The following KANSL1L variants were observed in gnomAD, a reference collection of about 807,000 sequenced individuals.
The protein encoded by KANSL1L is KAT8 regulatory NSL complex subunit 1 like.
Under a neutral mutation model 108.6 loss-of-function variants are expected in KANSL1L, and 25 were observed. That is an observed-to-expected ratio of 0.23 (90% confidence interval 0.17 to 0.32). The LOEUF (loss-of-function observed/expected upper bound fraction) is 0.32, where lower values mean the gene tolerates loss of function less well. Among genes scored for constraint, KANSL1L ranks in the 10% least tolerant of loss-of-function variants. The pLI is 1.00. For synonymous variants in KANSL1L, 405 were observed against 395.1 expected, an observed-to-expected ratio of 1.03 and a Z score of -0.30; for missense variants, 1,137 against 1,125.7, an observed-to-expected ratio of 1.01 and a Z score of -0.14.
At position 210,153,826 on chromosome 2, in the gene KANSL1L, C is replaced by T; in HGVS notation, c.757G>A (p.Val253Ile). Residue 253 changes from valine (V) to isoleucine (I), a missense_variant, in exon 2 of 15, where the codon GTT (valine) becomes ATT (isoleucine). Transcript: ENST00000281772. The stretch of plus-strand genomic sequence containing the variant: ...ATCTGCTGACCATAGTGCTTAACAA[C>T]ATGCTTTGCCAGGAGCATCTGCAAA... ...KHLQMLLAKH[V>I]VKHYGQQMKL... is the part of the protein sequence containing the mutation. The T allele has an allele frequency of 3.1e-6, 5 of 1,612,842 alleles. No individual in the cohort carries two copies. The highest frequency in any genetic ancestry group is 1.7e-4 in the Middle Eastern group (1 of 6,048).
In KANSL1L at chr2:210,120,994, T is replaced by C. The variant is rs187756500; in HGVS notation, c.1230+8037A>G. 1.2e-4 allele frequency among the ~76,000 whole-genome samples: 18 copies of C among 152,036 alleles called. No individual in the cohort carries two copies. The East Asian group carries it at 2.1e-3, about 18-fold the overall frequency. Reference sequence around the variant, plus strand: ...TGGCTACTATTAAAAAGTCAAAAAATAACAGATGTTGGCAAGGTTGTGGAG... The same window carrying C: ...TGGCTACTATTAAAAAGTCAAAAAACAACAGATGTTGGCAAGGTTGTGGAG... On this transcript the variant is annotated intron_variant, in intron 3 of 14. Coordinates refer to ENST00000281772, the MANE Select transcript of KANSL1L (RefSeq NM_152519.4).
intron 7 of KANSL1L, 114 bp downstream of exon 7, chr2:210,043,825 A>T: frequency 1.5e-6 from 1 of 678,936 alleles, no homozygotes; most frequent in Non-Finnish European, 2.3e-6. Flanking sequence ...CTTAGTTCTA[A>T]TATCTACTGA....
At chr2:210,126,882 A>G (rs1179334477) in intron 3 of KANSL1L, among the ~76,000 whole-genome samples, 1 of 152,160 alleles carries the variant, frequency 6.6e-6, no homozygotes, top group East Asian at 1.9e-4. Flanking sequence ...AATTATTACA[A>G]AACTACAGAA....
intron 6 of KANSL1L, among the ~76,000 whole-genome samples, chr2:210,057,989 T>A (rs959938476): frequency 5.3e-5 from 8 of 152,066 alleles, no homozygotes; most frequent in Non-Finnish European, 8.8e-5. Context: ...CTGGGTACCT[T>A]GAAAAAAGAA....
chr2:210,079,676 A>ATGTGTG (rs2094573188), intron 5 of KANSL1L: 1 of 20,684 alleles, frequency 4.8e-5, no homozygotes, highest in Non-Finnish European at 7.7e-5. Flanking sequence ...GTATGTGTGT[A>ATGTGTG]TATATATATA....
At chr2:210,119,087 G>A (rs935105548) in intron 3 of KANSL1L, among the ~76,000 whole-genome samples, 12 of 152,028 alleles carry the variant, frequency 7.9e-5, no homozygotes, top group African/African-American at 2.9e-4. Flanking sequence ...AGGAGGCTGA[G>A]GCAGGAGAAT....
At chr2:210,159,481 T>C (rs1410761093) in intron 1 of KANSL1L, among the ~76,000 whole-genome samples, 4 of 152,188 alleles carry the variant, frequency 2.6e-5, no homozygotes, top group Admixed American at 1.3e-4. Flanking sequence ...TTATATTACA[T>C]TCTAGGAAAG....
At position 210,022,390 on chromosome 2, in the gene KANSL1L, T is replaced by G. The variant is rs1249830816; in HGVS notation, c.*559A>C. The G allele has an allele frequency of 1.3e-5, 2 of 152,766 alleles. No individual in the cohort carries two copies. The highest frequency in any genetic ancestry group is 2.9e-5 in the Non-Finnish European group (2 of 68,152). 9.5% of individuals were successfully genotyped at this position (152,766 alleles called of 1,614,324 possible). A position where few individuals can be genotyped will look rare whatever the true frequency, so the allele number is the denominator to read the frequency against. ...TATTAGTGGAAACCTGTGTTTTATC[T>G]ATTCTGCAGCTTACATTTCATAGGG... On this transcript the variant is annotated 3_prime_UTR_variant, in exon 15 of 15. Coordinates refer to ENST00000281772, the MANE Select transcript of KANSL1L (RefSeq NM_152519.4).
chr2:210,138,495 AATG>A (rs1440145010), intron 2 of KANSL1L, among the ~76,000 whole-genome samples: 3 of 152,320 alleles, frequency 2.0e-5, no homozygotes, highest in Admixed American at 6.5e-5. Flanking sequence ...AAAAAAAGTT[AATG>A]ATATCAATTC....
intron 2 of KANSL1L, among the ~76,000 whole-genome samples, chr2:210,136,598 T>G (rs559454020): frequency 1.1e-4 from 16 of 152,258 alleles, no homozygotes; most frequent in African/African-American, 3.9e-4. Context: ...CAGGCAACCA[T>G]GTAATGTTTT....
At chr2:210,093,950 T>C (rs2094714043) in intron 5 of KANSL1L, among the ~76,000 whole-genome samples, 1 of 152,172 alleles carries the variant, frequency 6.6e-6, no homozygotes, top group African/African-American at 2.4e-5. Context: ...CTAAGTACAA[T>C]AAGTTTGTCA....
intron 3 of KANSL1L, among the ~76,000 whole-genome samples, chr2:210,113,769 C>A (rs183801657): frequency 7.2e-5 from 11 of 152,134 alleles, no homozygotes; most frequent in African/African-American, 2.2e-4. Flanking sequence ...AATTCTAGAG[C>A]TGAAAAGTAT....
chr2:210,037,809 C>A (rs1439035491), intron 8 of KANSL1L, among the ~76,000 whole-genome samples: 4 of 152,064 alleles, frequency 2.6e-5, no homozygotes, highest in African/African-American at 9.7e-5. Context: ...TGCATTATTA[C>A]AAGTAGCAAA....
chr2:210,058,889 G>C (rs1276230320), intron 6 of KANSL1L, among the ~76,000 whole-genome samples: 1 of 145,218 alleles, frequency 6.9e-6, no homozygotes. Flanking sequence ...GGGCATCACG[G>C]AACCTGCCAA....
chr2:210,166,013 T>C (rs1270172609), intron 1 of KANSL1L, among the ~76,000 whole-genome samples: 1 of 152,188 alleles, frequency 6.6e-6, no homozygotes, highest in Non-Finnish European at 1.5e-5. Context: ...TATGTATGTA[T>C]GGTTAGAAAA....
intron 2 of KANSL1L, among the ~76,000 whole-genome samples, chr2:210,151,142 G>A (rs1225110041): frequency 1.3e-5 from 2 of 151,850 alleles, no homozygotes; most frequent in Non-Finnish European, 2.9e-5. Context: ...TAGCCTCCCA[G>A]GTAGCTGGGA....
At chr2:210,076,185 G>GT (rs2094541041) in intron 5 of KANSL1L, among the ~76,000 whole-genome samples, 1 of 151,672 alleles carries the variant, frequency 6.6e-6, no homozygotes, top group East Asian at 1.9e-4. Context: ...TTTGTTTTTT[G>GT]TTTTTTGTTT....
intron 3 of KANSL1L, among the ~76,000 whole-genome samples, chr2:210,108,306 T>C (rs1187752343): frequency 6.6e-6 from 1 of 152,180 alleles, no homozygotes; most frequent in Non-Finnish European, 1.5e-5. Context: ...AAGGGCCAGA[T>C]ACACATTTAT....
Position 210,154,502 on chromosome 2 carries a change from C to T in KANSL1L, c.81G>A (p.Met27Ile), listed in dbSNP as rs1427171606. ...CAGTTCTGGGACTTTCCATGTAGAG[C>T]ATCTTGTCAGACTCCATGGTACTTG... is the stretch of plus-strand genomic sequence containing the variant. ...SLPSTMESDKMLYMESPRTVD... is the reference protein window; with the variant it reads ...SLPSTMESDKILYMESPRTVD... Residue 27 changes from methionine to isoleucine, a missense_variant, in exon 2 of 15, where the codon ATG becomes ATA. By Grantham distance (10) the Met-to-Ile change is conservative (BLOSUM62 1). Around this residue, in one of 3 missense-constraint regions of KANSL1L, gnomAD observed 556 missense variants for 537.7 expected, o/e 1.03. Transcript: ENST00000281772. 6.2e-7 allele frequency: 1 copy of T among 1,607,972 alleles called. No homozygotes were observed. Among genetic ancestry groups the T allele is most frequent in the Admixed American group, 1.7e-5 (1 of 59,410 alleles).
Sources: allele counts gnomAD v4.1 joint callset (sites outside exome capture counted in the v4.1 genomes callset), GRCh38; gene constraint gnomAD v4.1.1; regional missense constraint gnomAD v4.1.1; transcripts MANE v1.5; gene names NCBI Gene and HGNC (gene_info 2026-07-23, HGNC 2026-07-21).